The following ARHGAP22 variants were observed in gnomAD, a reference collection of about 807,000 sequenced individuals.
ARHGAP22 encodes the protein Rho GTPase activating protein 22, also known as rho GTPase-activating protein 22.
In ARHGAP22, 48 loss-of-function variants were observed where a neutral mutation model predicts 59.1. The ratio of observed to expected loss-of-function variants is 0.81; its 90% CI spans 0.64 to 1.03. ARHGAP22 has a LOEUF of 1.03. Ranked by LOEUF, ARHGAP22 falls within the 50% of genes least tolerant of loss-of-function variation. The pLI is 0.00. For missense variants in ARHGAP22, 1,015 were observed against 958.7 expected, an observed-to-expected ratio of 1.06 and a Z score of -0.78; for synonymous variants, 445 against 416.4, an observed-to-expected ratio of 1.07 and a Z score of -0.84.
At chr10:48,498,147 T>C (rs775383493) in intron 3 of ARHGAP22, among the ~76,000 whole-genome samples, 12 of 152,100 alleles carry the variant, frequency 7.9e-5, no homozygotes, top group Non-Finnish European at 1.2e-4. Flanking sequence ...CATGCTCTGT[T>C]TTCTGAGAAG....
chr10:48,544,431 A>AT (rs915271174), intron 3 of ARHGAP22, among the ~76,000 whole-genome samples: 3 of 138,122 alleles, frequency 2.2e-5, no homozygotes, highest in African/African-American at 8.3e-5. Context: ...TGCTTCTTTC[A>AT]TTTTTGCCTG....
In ARHGAP22 at chr10:48,603,316, AT is replaced by A. The variant is rs565556126; in HGVS notation, c.34+1446del. ...ACTGTCCAATAGAAATATAAAAAAT[AT>A]AATATGAGTCACATATGTACTTGTA... On this transcript the variant is annotated intron_variant, in intron 1 of 9. Transcript: ENST00000249601. Among the ~76,000 whole-genome samples the A allele has an allele frequency of 3.5e-4, 54 of 152,376 alleles. 2 individuals are homozygous for A. In the East Asian group the frequency reaches 9.8e-3, roughly 28 times the overall value.
At chr10:48,611,778 C>T (rs2060893728) in intron 1 of ARHGAP22, among the ~76,000 whole-genome samples, 1 of 151,138 alleles carries the variant, frequency 6.6e-6, no homozygotes, top group Non-Finnish European at 1.5e-5. Flanking sequence ...CTGTAACTTC[C>T]TCCTGCTCCT....
At chr10:48,649,208 G>A (rs61838409) in intron 1 of ARHGAP22, among the ~76,000 whole-genome samples, 2,178 of 152,148 alleles carry the variant, frequency 0.014, 23 homozygotes, top group Middle Eastern at 0.044. Context: ...CTGCTTCAGC[G>A]CCCCTCTCTC....
At chr10:48,505,922 G>A (rs4838415) in intron 3 of ARHGAP22, among the ~76,000 whole-genome samples, 33,834 of 152,154 alleles carry the variant, frequency 0.22, 6,398 homozygotes, top group East Asian at 0.59. Flanking sequence ...CCAATACTCC[G>A]TATCCCAGTT....
intron 1 of ARHGAP22, among the ~76,000 whole-genome samples, chr10:48,596,926 C>T (rs959007811): frequency 2.6e-5 from 4 of 152,174 alleles, no homozygotes; most frequent in Non-Finnish European, 4.4e-5. Context: ...TGACAGGTCC[C>T]GCATGGGCCA....
intron 3 of ARHGAP22, among the ~76,000 whole-genome samples, chr10:48,516,557 A>G (rs948905415): frequency 7.0e-6 from 1 of 142,400 alleles, no homozygotes; most frequent in African/African-American, 2.5e-5. Context: ...AATAAACAAA[A>G]CCTATAACTG....
At chr10:48,478,342 A>T (rs1306240763) in intron 4 of ARHGAP22, among the ~76,000 whole-genome samples, 1 of 152,218 alleles carries the variant, frequency 6.6e-6, no homozygotes, top group Non-Finnish European at 1.5e-5. Flanking sequence ...CACTCTCAAC[A>T]TTATATTGAC....
At chr10:48,572,770 G>T (rs1437841446) in intron 2 of ARHGAP22, among the ~76,000 whole-genome samples, 2 of 152,132 alleles carry the variant, frequency 1.3e-5, no homozygotes, top group Non-Finnish European at 2.9e-5. Flanking sequence ...AGGTTGCAAT[G>T]CTTTACGAAA....
At chr10:48,547,754 T>TTTC (rs2056569042) in intron 3 of ARHGAP22, among the ~76,000 whole-genome samples, 1 of 152,214 alleles carries the variant, frequency 6.6e-6, no homozygotes, top group Admixed American at 6.5e-5. Context: ...TAGGAATTGC[T>TTTC]CCTGAGTGTG....
chr10:48,646,120 C>G lies in ARHGAP22; in HGVS notation c.52+6114G>C, dbSNP rs55684379. Among the ~76,000 whole-genome samples, 1,340 of 152,226 alleles carry G rather than the reference C, an allele frequency of 8.8e-3. 6 individuals carry two copies. The highest frequency in any genetic ancestry group is 0.013 in the Non-Finnish European group (896 of 68,002). On this transcript the variant is annotated intron_variant, in intron 1 of 9. Coordinates refer to the ARHGAP22 transcript ENST00000435790. ...TCACAATAATATCAAAAAGAATAAACTATTTAGAAATAAATTTAACAATGA... is the reference window on the plus strand; with the variant it reads ...TCACAATAATATCAAAAAGAATAAAGTATTTAGAAATAAATTTAACAATGA...
At chr10:48,503,251 A>G (rs2051721013) in intron 3 of ARHGAP22, among the ~76,000 whole-genome samples, 1 of 152,202 alleles carries the variant, frequency 6.6e-6, no homozygotes, top group Non-Finnish European at 1.5e-5. Flanking sequence ...TGTTCAAGAG[A>G]GGGGTTGTGG....
chr10:48,527,966 C>A (rs1373141983), intron 3 of ARHGAP22, among the ~76,000 whole-genome samples: 1 of 152,194 alleles, frequency 6.6e-6, no homozygotes, highest in African/African-American at 2.4e-5. Flanking sequence ...TGGGAGGAGG[C>A]TGGACACCAG....
chr10:48,554,741 C>T (rs1349783810), intron 3 of ARHGAP22, among the ~76,000 whole-genome samples: 2 of 152,152 alleles, frequency 1.3e-5, no homozygotes, highest in African/African-American at 4.8e-5. Flanking sequence ...TGCACTGTGT[C>T]CAGAAGCCCC....
At chr10:48,592,965 C>A (rs1351486140) in intron 1 of ARHGAP22, among the ~76,000 whole-genome samples, 1 of 152,274 alleles carries the variant, frequency 6.6e-6, no homozygotes, top group Non-Finnish European at 1.5e-5. Context: ...ACAGTCAGAT[C>A]TGACACTATG....
In ARHGAP22 at chr10:48,479,160, C is replaced by T. The variant is rs554229705; in HGVS notation, c.451+476G>A. On this transcript the variant is annotated intron_variant, in intron 4 of 9. Transcript: ENST00000249601. ...GCCTTCGCACGTGTCCATGTCTCTG[C>T]TGGAATGCTCTTCCCCAGCATGCCC... 27 of 163,196 alleles carry T rather than the reference C, an allele frequency of 1.7e-4. No homozygotes were observed. In the South Asian group the frequency reaches 4.5e-3, roughly 27 times the overall value. 10.1% of individuals were successfully genotyped at this position (163,196 alleles called of 1,614,324 possible).
chr10:48,482,553 G>A (rs1589665198), intron 3 of ARHGAP22, among the ~76,000 whole-genome samples: 1 of 152,122 alleles, frequency 6.6e-6, no homozygotes, highest in African/African-American at 2.4e-5. Flanking sequence ...AAAAGCATTC[G>A]GCTTTTCACC....
At chr10:48,431,859 G>A in the ARHGAP22 span, among the ~76,000 whole-genome samples, 1 of 152,160 alleles carries the variant, frequency 6.6e-6, no homozygotes, top group Non-Finnish European at 1.5e-5. Context: ...CAGGTAACAT[G>A]TACACTAAGT....
chr10:48,624,822 C>T (rs148652798), intron 1 of ARHGAP22: 1 of 152,354 alleles, frequency 6.6e-6, no homozygotes, highest in Non-Finnish European at 1.5e-5. Flanking sequence ...ACCCTAAGGG[C>T]AAGTTCCAGT....
Sources: gnomAD v4.1 joint callset for allele counts (sites outside exome capture counted in the v4.1 genomes callset) on GRCh38, gnomAD v4.1.1 for gene constraint, MANE v1.5 for transcripts, NCBI Gene and HGNC (gene_info 2026-07-23, HGNC 2026-07-21) for gene names.